The following CNBD1 variants were observed in gnomAD, a reference collection of about 807,000 sequenced individuals.
CNBD1 encodes the protein cyclic nucleotide binding domain containing 1.
A neutral mutation model predicts 54.4 loss-of-function variants in CNBD1; 71 were observed. That is an observed-to-expected ratio of 1.30 (90% confidence interval 1.08 to 1.59). CNBD1 has a LOEUF of 1.59. CNBD1 is among the 40% of genes most tolerant of loss of function. The probability of loss-of-function intolerance (pLI) is 0.00; values close to 1 mark genes in which losing one functional copy is unlikely to be tolerated. For synonymous variants in CNBD1, 182 were observed against 170.7 expected (o/e 1.07, Z -0.51); for missense variants, 659 against 518.0 (o/e 1.27, Z -2.64).
At chr8:87,016,268 G>A (rs76951490) in intron 4 of CNBD1, among the ~76,000 whole-genome samples, 4,635 of 151,316 alleles carry the variant, frequency 0.031, 221 homozygotes, top group African/African-American at 0.11. Flanking sequence ...AGGATTTTTC[G>A]CACCACTGGA....
At chr8:87,211,297 C>T (rs1814093341) in intron 5 of CNBD1, among the ~76,000 whole-genome samples, 1 of 152,132 alleles carries the variant, frequency 6.6e-6, no homozygotes, top group African/African-American at 2.4e-5. Context: ...AACATGGATT[C>T]AAACTCAGAT....
chr8:87,240,165 T>G (rs1407931733), intron 6 of CNBD1, among the ~76,000 whole-genome samples: 1 of 152,150 alleles, frequency 6.6e-6, no homozygotes, highest in South Asian at 2.1e-4. Context: ...CATATATTAC[T>G]ATCTGCAGTT....
intron 6 of CNBD1, among the ~76,000 whole-genome samples, chr8:87,256,945 G>C (rs563123564): frequency 6.6e-6 from 1 of 152,020 alleles, no homozygotes; most frequent in Non-Finnish European, 1.5e-5. Flanking sequence ...GATTGTGAAG[G>C]GGTTGTCCTC....
At chr8:87,029,753 T>C (rs1355151572) in intron 4 of CNBD1, among the ~76,000 whole-genome samples, 2 of 151,924 alleles carry the variant, frequency 1.3e-5, no homozygotes, top group African/African-American at 4.9e-5. Flanking sequence ...AAGATATTTA[T>C]GGAAAATAAT....
At chr8:87,124,441 A>T (rs1409420366) in intron 4 of CNBD1, among the ~76,000 whole-genome samples, 3 of 151,760 alleles carry the variant, frequency 2.0e-5, no homozygotes, top group Admixed American at 6.6e-5. Flanking sequence ...ATATGTGGAA[A>T]TTAATAATTA....
intron 4 of CNBD1, among the ~76,000 whole-genome samples, chr8:87,099,034 C>CAAAAAA (rs11402011): frequency 1.3e-4 from 3 of 23,064 alleles, no homozygotes; most frequent in Non-Finnish European, 1.8e-4. Context: ...GACTGTGTCT[C>CAAAAAA]AAAAAAAAAA....
At chr8:87,119,593 T>C (rs1811850208) in intron 4 of CNBD1, among the ~76,000 whole-genome samples, 1 of 152,136 alleles carries the variant, frequency 6.6e-6, no homozygotes, top group Admixed American at 6.5e-5. Context: ...GCCTGATTGC[T>C]CTTGCTAGGA....
intron 6 of CNBD1, among the ~76,000 whole-genome samples, chr8:87,278,864 A>C (rs1025355223): frequency 6.6e-6 from 1 of 151,500 alleles, no homozygotes; most frequent in Non-Finnish European, 1.5e-5. Flanking sequence ...GCAATAGAAT[A>C]GTGTAAAAAA....
chr8:87,371,027 C>G (rs1164361453), intron 10 of CNBD1, among the ~76,000 whole-genome samples: 1 of 150,368 alleles, frequency 6.7e-6, no homozygotes, highest in Admixed American at 6.6e-5. Flanking sequence ...TGTCAAAGAT[C>G]AGATAGTTGT....
chr8:87,369,872 C>T (rs914264662), intron 10 of CNBD1, among the ~76,000 whole-genome samples: 15 of 151,936 alleles, frequency 9.9e-5, no homozygotes, highest in Admixed American at 2.0e-4. Context: ...TGCTATCCCT[C>T]CCCACTCCCC....
At chr8:87,285,826 C>T (rs1808686739) in intron 7 of CNBD1, among the ~76,000 whole-genome samples, 1 of 152,268 alleles carries the variant, frequency 6.6e-6, no homozygotes. Context: ...GGAAAGATCG[C>T]ACCATTGCAC....
chr8:87,282,956 A>G (rs1056416699), intron 6 of CNBD1, among the ~76,000 whole-genome samples: 6 of 152,048 alleles, frequency 3.9e-5, no homozygotes, highest in African/African-American at 1.4e-4. Flanking sequence ...TGGTTTGGAC[A>G]ACTCACTTCC....
intron 6 of CNBD1, among the ~76,000 whole-genome samples, chr8:87,244,753 G>A (rs1047435833): frequency 6.6e-6 from 1 of 152,030 alleles, no homozygotes. Context: ...AAGTATGCTA[G>A]GAGCTTTTAA....
intron 4 of CNBD1, among the ~76,000 whole-genome samples, chr8:87,058,262 A>G (rs764046398): frequency 2.6e-5 from 4 of 152,180 alleles, no homozygotes; most frequent in Non-Finnish European, 4.4e-5. Context: ...TTTGCGTACA[A>G]TCCTCAGTCC....
intron 4 of CNBD1, among the ~76,000 whole-genome samples, chr8:87,136,441 C>G (rs1812228479): frequency 6.9e-6 from 1 of 145,128 alleles, no homozygotes; most frequent in African/African-American, 2.5e-5. Flanking sequence ...AGCTATAATT[C>G]ATTTTATTAA....
At chr8:87,305,505 A>G (rs1410018882) in intron 8 of CNBD1, among the ~76,000 whole-genome samples, 1 of 152,180 alleles carries the variant, frequency 6.6e-6, no homozygotes, top group Non-Finnish European at 1.5e-5. Context: ...ATTTCAAACT[A>G]TACTATAAGG....
intron 10 of CNBD1, among the ~76,000 whole-genome samples, chr8:87,369,812 G>A (rs568102987): frequency 6.6e-6 from 1 of 151,806 alleles, no homozygotes; most frequent in East Asian, 1.9e-4. Flanking sequence ...CGCCATGCTG[G>A]TGTGCTGCAC....
chr8:87,385,764 G>A (rs184719376), downstream of CNBD1, among the ~76,000 whole-genome samples: 459 of 152,288 alleles, frequency 3.0e-3, 5 homozygotes, highest in African/African-American at 9.9e-3. Flanking sequence ...GCTTTGAAGA[G>A]AGTAGTGGTT....
chr8:87,276,538 G>A (rs990758803), intron 6 of CNBD1, among the ~76,000 whole-genome samples: 9 of 151,818 alleles, frequency 5.9e-5, no homozygotes, highest in Admixed American at 3.3e-4. Context: ...ATGGAGAAAC[G>A]GAAGTAGGTC....
Sources: gnomAD v4.1 joint callset for allele counts (sites outside exome capture counted in the v4.1 genomes callset) on GRCh38, gnomAD v4.1.1 for gene constraint, MANE v1.5 for transcripts, NCBI Gene and HGNC (gene_info 2026-07-23, HGNC 2026-07-21) for gene names.